The following FRG1 variants were observed in gnomAD, a reference collection of about 807,000 sequenced individuals.
The protein encoded by FRG1 is FSHD region gene 1.
Under a neutral mutation model 37.0 loss-of-function variants are expected in FRG1, and 19 were observed. The ratio of observed to expected loss-of-function variants is 0.51; its 90% CI spans 0.36 to 0.75. The LOEUF is 0.75. FRG1 is among the 30% of genes least tolerant of loss of function. The pLI is 0.00. For synonymous variants in FRG1, 73 were observed against 96.5 expected (o/e 0.76, Z 1.43); for missense variants, 243 against 301.4 (o/e 0.81, Z 1.44).
chr4:189,946,175 C>T (rs6816856), intron 2 of FRG1, among the ~76,000 whole-genome samples: 43,988 of 151,828 alleles, frequency 0.29, 6,484 homozygotes, highest in Middle Eastern at 0.43. Context: ...CAATTCTTTA[C>T]AAGATCATTT....
chr4:189,954,956 C>T, intron 4 of FRG1, 81 bp from the exon 5 acceptor site: 1 of 803,064 alleles, frequency 1.2e-6, no homozygotes, highest in Admixed American at 2.0e-5. Context: ...CACAGCCACA[C>T]ACATACGCAT....
chr4:189,950,395 T>A (rs1036652535), intron 2 of FRG1, among the ~76,000 whole-genome samples: 1 of 152,212 alleles, frequency 6.6e-6, no homozygotes, highest in Non-Finnish European at 1.5e-5. Flanking sequence ...TGTCCACGTT[T>A]TCTTTTGTTG....
At chr4:189,950,939 C>T (rs972432742) in intron 2 of FRG1, among the ~76,000 whole-genome samples, 5 of 152,040 alleles carry the variant, frequency 3.3e-5, no homozygotes, top group Non-Finnish European at 5.9e-5. Flanking sequence ...ATATATTATA[C>T]TATGTCATTA....
chr4:189,948,694 T>G (rs1392327200), intron 2 of FRG1, among the ~76,000 whole-genome samples: 2 of 77,758 alleles, frequency 2.6e-5, no homozygotes, highest in South Asian at 4.1e-4. Flanking sequence ...GCCATTTTTT[T>G]GTTTTGTTTT....
chr4:189,944,454 C>G (rs1487517829), intron 2 of FRG1, among the ~76,000 whole-genome samples: 1 of 151,618 alleles, frequency 6.6e-6, no homozygotes, highest in East Asian at 1.9e-4. Context: ...TGGTTACTGT[C>G]TTATGTCTTT....
In FRG1 at chr4:189,955,041, GC is replaced by G; in HGVS notation, c.325del (p.Leu109Ter). 1 of 1,599,692 alleles carries G rather than the reference GC, an allele frequency of 6.3e-7. No homozygotes were observed. The highest frequency in any genetic ancestry group is 2.2e-5 in the East Asian group (1 of 44,778). On this transcript the variant is annotated frameshift_variant, in exon 5 of 9. Coordinates refer to ENST00000226798, the MANE Select transcript of FRG1 (RefSeq NM_004477.3). LOFTEE classifies it high-confidence loss of function. ...ATCTATGTTATTAATGTACAGAATC[GC>G]CCTGAAGTCTGGCTATGGAAAATAT... ...TAVKLSDSRI[A>X]LKSGYGKYLG...
At chr4:189,943,943 T>C (rs1389680874) in intron 2 of FRG1, among the ~76,000 whole-genome samples, 1 of 152,170 alleles carries the variant, frequency 6.6e-6, no homozygotes, top group Non-Finnish European at 1.5e-5. Context: ...ATTCTAAAAT[T>C]AGGGTAAATA....
At position 189,940,884 on chromosome 4, in the gene FRG1, G is replaced by T; in HGVS notation, c.-126G>T. On this transcript the variant is annotated 5_prime_UTR_variant, in exon 1 of 9. Transcript: ENST00000226798. ...TGAAGACGGAGGCGGGTTCTACAGAGACGTAGGCTGTCAGGGAGTGTTTAT... is the reference window on the plus strand; with the variant it reads ...TGAAGACGGAGGCGGGTTCTACAGATACGTAGGCTGTCAGGGAGTGTTTAT... 1 of 677,550 alleles carries T rather than the reference G, an allele frequency of 1.5e-6. No homozygotes were observed. The highest frequency in any genetic ancestry group is 2.6e-6 in the Non-Finnish European group (1 of 383,972). The allele number at this position is 677,550 out of a possible 1,614,324, so 42.0% of individuals were successfully genotyped here.
intron 4 of FRG1, 118 bp downstream of exon 4, chr4:189,953,243 T>C: frequency 6.6e-6 from 9 of 1,371,202 alleles, no homozygotes; most frequent in Non-Finnish European, 8.5e-6. Context: ...AAAAACAAAA[T>C]AGCTTTTTTG....
At chr4:189,953,889 A>G (rs1267267554) in intron 4 of FRG1, among the ~76,000 whole-genome samples, 2 of 152,218 alleles carry the variant, frequency 1.3e-5, no homozygotes, top group Non-Finnish European at 2.9e-5. Context: ...CTTTACAATT[A>G]TAAACAAAAA....
chr4:189,944,838 C>T (rs1314327003), intron 2 of FRG1, among the ~76,000 whole-genome samples: 3 of 152,036 alleles, frequency 2.0e-5, no homozygotes, highest in African/African-American at 7.2e-5. Context: ...GTGAGTCCTC[C>T]GACTTTGTAC....
intron 1 of FRG1, among the ~76,000 whole-genome samples, 182 bp from the exon 2 acceptor site, chr4:189,943,020 A>G (rs1290780392): frequency 6.6e-6 from 1 of 152,202 alleles, no homozygotes; most frequent in Non-Finnish European, 1.5e-5. Context: ...ACTCTAACGT[A>G]ATATGTGCAA....
intron 3 of FRG1, 38 bp downstream of exon 3, chr4:189,952,325 G>C: frequency 1.3e-6 from 2 of 1,596,728 alleles, no homozygotes; most frequent in Non-Finnish European, 1.7e-6. Context: ...CACAAGTGTA[G>C]ATTTTAGGAC....
At chr4:189,947,449 T>C (rs1460475271) in intron 2 of FRG1, among the ~76,000 whole-genome samples, 5 of 152,214 alleles carry the variant, frequency 3.3e-5, no homozygotes, top group Non-Finnish European at 5.9e-5. Flanking sequence ...ACCCTTTTGC[T>C]CCTGTCAAGC....
intron 4 of FRG1, 42 bp from the exon 5 acceptor site, chr4:189,954,995 T>G (rs1736918540): frequency 8.0e-7 from 1 of 1,249,700 alleles, no homozygotes; most frequent in Non-Finnish European, 1.2e-6. Flanking sequence ...ATAATTAATT[T>G]TCTCTCAGTC....
intron 1 of FRG1, among the ~76,000 whole-genome samples, chr4:189,941,496 T>G (rs1442673936): frequency 6.6e-6 from 1 of 152,216 alleles, no homozygotes; most frequent in East Asian, 1.9e-4. Context: ...GAAACCAGGA[T>G]GAATCACACA....
chr4:189,959,313 G>A (rs1277378977), intron 6 of FRG1, among the ~76,000 whole-genome samples: 1 of 152,116 alleles, frequency 6.6e-6, no homozygotes, highest in Non-Finnish European at 1.5e-5. Context: ...TTGTAGTCTT[G>A]AATTTCCATA....
chr4:189,948,769 C>T (rs536804461), intron 2 of FRG1, among the ~76,000 whole-genome samples: 1 of 152,416 alleles, frequency 6.6e-6, no homozygotes, highest in African/African-American at 2.4e-5. Context: ...TGGCTCAGTG[C>T]ACCCTCGACC....
chr4:189,944,270 G>C (rs202110722), intron 2 of FRG1, among the ~76,000 whole-genome samples: 10 of 152,062 alleles, frequency 6.6e-5, no homozygotes, highest in Admixed American at 2.0e-4. Context: ...TCCACCTCCC[G>C]GGTTCATGCC....
Sources: gnomAD v4.1 joint callset for allele counts (sites outside exome capture counted in the v4.1 genomes callset) on GRCh38, gnomAD v4.1.1 for gene constraint, MANE v1.5 for transcripts, NCBI Gene and HGNC (gene_info 2026-07-23, HGNC 2026-07-21) for gene names.